Variants in PRKCZ observed in about 807,000 individuals in gnomAD.
PRKCZ encodes the protein protein kinase C zeta type.
In PRKCZ, 33 loss-of-function variants were observed where a neutral mutation model predicts 79.5. That is an observed-to-expected ratio of 0.41 (90% CI 0.31 to 0.55). The LOEUF (loss-of-function observed/expected upper bound fraction) is 0.55. PRKCZ is among the 20% of genes least tolerant of loss of function. The pLI is 0.19. For missense variants in PRKCZ, 578 were observed against 813.5 expected (o/e 0.71, Z 3.52); for synonymous variants, 342 against 320.9 (o/e 1.07, Z -0.70).
chr1:2,066,170 G>A lies in PRKCZ; in HGVS notation c.334+6579G>A, dbSNP rs77039101. On this transcript the variant is annotated intron_variant, in intron 4 of 17. Transcript: ENST00000378567. Reference sequence around the variant, plus strand: ...CTCAATGGTCAGAGGCTTTCTTGTCGTGACTTTGTTGGGCTTTGGTGTCAG... The same window carrying A: ...CTCAATGGTCAGAGGCTTTCTTGTCATGACTTTGTTGGGCTTTGGTGTCAG... Among the ~76,000 whole-genome samples, 1,657 of 152,246 alleles carry A rather than the reference G, an allele frequency of 0.011. 140 individuals are homozygous for A. The East Asian group carries it at 0.21, about 19-fold the overall frequency.
intron 4 of PRKCZ, 90 bp from the exon 5 acceptor site, chr1:2,135,172 C>G (rs1294794568): frequency 2.6e-6 from 3 of 1,161,492 alleles, no homozygotes; most frequent in African/African-American, 3.1e-5. Context: ...GCCGCCACCA[C>G]CTGGACGGGA....
chr1:2,163,860 C>T (rs548661415), intron 10 of PRKCZ, among the ~76,000 whole-genome samples: 23 of 152,048 alleles, frequency 1.5e-4, no homozygotes, highest in Admixed American at 5.9e-4. Context: ...GATTGCACCA[C>T]TGCACTCCAA....
chr1:2,168,770 A>G lies in PRKCZ; in HGVS notation c.975-748A>G, dbSNP rs1683832020. ...AGCAGCCACCAGTCGGAAGCAAATA[A>G]ACAATTCAGGTGCCAGAGGAGCCGC... On this transcript the variant is annotated intron_variant, in intron 10 of 17. Transcript: ENST00000378567. The surrounding 1 kb of genome is among the most constrained non-coding windows in gnomAD (Gnocchi z 4.7). The G allele has an allele frequency of 5.2e-6, 1 of 190,912 alleles. No individual in the cohort carries two copies. The highest frequency in any genetic ancestry group is 2.4e-5 in the African/African-American group (1 of 42,348). 11.8% of individuals were successfully genotyped at this position (190,912 alleles called of 1,614,324 possible).
At chr1:2,059,403 C>G in intron 3 of PRKCZ, 138 bp from the exon 4 acceptor site, 3 of 985,472 alleles carry the variant, frequency 3.0e-6, no homozygotes, top group Non-Finnish European at 4.6e-6. Flanking sequence ...CTCCCAGGAG[C>G]GGGCTCTCAT....
At position 2,180,369 on chromosome 1, in the gene PRKCZ, GTGGACGCACAGACGACA is replaced by G. The variant is rs1165421646; in HGVS notation, c.1576-4198_1576-4182del. Among the ~76,000 whole-genome samples, 124 of 152,164 alleles carry G rather than the reference GTGGACGCACAGACGACA, an allele frequency of 8.1e-4. No individual in the cohort carries two copies. The South Asian group carries it at 0.02, about 25-fold the overall frequency. The stretch of plus-strand genomic sequence containing the variant: ...CGGACGACGTGGACACCCAGACGAT[GTGGACGCACAGACGACA>G]TGGACGCACAGACGATGTGGATGCA... On this transcript the variant is annotated intron_variant, in intron 16 of 17. Transcript: ENST00000378567.
intron 16 of PRKCZ, among the ~76,000 whole-genome samples, chr1:2,181,416 A>G (rs887794484): frequency 2.0e-5 from 3 of 152,204 alleles, no homozygotes; most frequent in Non-Finnish European, 4.4e-5. Context: ...CACAGGGGCA[A>G]CACCTGTTAC....
intron 10 of PRKCZ, among the ~76,000 whole-genome samples, chr1:2,157,979 C>T (rs993925393): frequency 2.0e-5 from 3 of 152,352 alleles, no homozygotes; most frequent in East Asian, 1.9e-4. Context: ...CTCTGCTGCT[C>T]GGTTCTTAGC....
chr1:2,178,223 G>A lies in PRKCZ; in HGVS notation c.1575+2910G>A, dbSNP rs1685860843. On this transcript the variant is annotated intron_variant, in intron 16 of 17. Coordinates refer to ENST00000378567, the MANE Select transcript of PRKCZ (RefSeq NM_002744.6). The surrounding 1 kb of genome is among the most constrained non-coding windows in gnomAD (Gnocchi z 4.3). ...CTCCAGCCTCTCCCCACACCCTGCA[G>A]TGGCTGCTCCGCCAGGCTGTGTGGC... 6.6e-6 allele frequency among the ~76,000 whole-genome samples: 1 copy of A among 152,228 alleles called. No individual in the cohort carries two copies. The highest frequency in any genetic ancestry group is 2.1e-4 in the South Asian group (1 of 4,838).
At chr1:2,104,949 C>A (rs758103627) in intron 4 of PRKCZ, 18 of 984,454 alleles carry the variant, frequency 1.8e-5, no homozygotes, top group Non-Finnish European at 2.2e-5. Context: ...GCCTTTTATT[C>A]AGGAGGGCGC....
chr1:2,098,566 GCC>G (rs201609266), intron 4 of PRKCZ: 1 of 113,778 alleles, frequency 8.8e-6, no homozygotes. Context: ...GTGAGAGGGT[GCC>G]CTCTGCCGTC....
At chr1:2,139,390 C>A (rs960278057) in intron 5 of PRKCZ, among the ~76,000 whole-genome samples, 1 of 152,058 alleles carries the variant, frequency 6.6e-6, no homozygotes, top group Non-Finnish European at 1.5e-5. Flanking sequence ...CAGTTCAAGA[C>A]CAGCCTGGCC....
At chr1:2,159,515 G>A (rs775904181) in intron 10 of PRKCZ, among the ~76,000 whole-genome samples, 39 of 152,350 alleles carry the variant, frequency 2.6e-4, no homozygotes, top group African/African-American at 7.2e-4. Flanking sequence ...GAACCTGGCC[G>A]ATGAAACTGC....
At chr1:2,102,921 C>T (rs1667746678) in intron 4 of PRKCZ, among the ~76,000 whole-genome samples, 1 of 152,090 alleles carries the variant, frequency 6.6e-6, no homozygotes, top group Admixed American at 6.6e-5. Context: ...GCTCTGTCGC[C>T]CAGGCTGGAG....
chr1:2,083,391 A>G (rs576389350), intron 4 of PRKCZ, among the ~76,000 whole-genome samples: 33 of 152,198 alleles, frequency 2.2e-4, no homozygotes, highest in Non-Finnish European at 4.7e-4. Context: ...CGTGGGCTGT[A>G]GCTGCCAGTG....
At chr1:2,073,976 C>T (rs551726952) in intron 4 of PRKCZ, 17 of 1,395,278 alleles carry the variant, frequency 1.2e-5, no homozygotes, top group Admixed American at 6.1e-5. Flanking sequence ...CCCCCGGGGC[C>T]GGGCCAGCCG....
At chr1:2,114,253 A>G (rs1383597010) in intron 4 of PRKCZ, among the ~76,000 whole-genome samples, 1 of 150,072 alleles carries the variant, frequency 6.7e-6, no homozygotes, top group Non-Finnish European at 1.5e-5. Flanking sequence ...CGTGCTCTCC[A>G]GGGATCTGTG....
At chr1:2,088,745 G>A (rs1458016280) in intron 4 of PRKCZ, among the ~76,000 whole-genome samples, 4 of 152,298 alleles carry the variant, frequency 2.6e-5, no homozygotes, top group South Asian at 4.1e-4. Flanking sequence ...AGGCGGCGGC[G>A]TCTCTTCACT....
intron 4 of PRKCZ, among the ~76,000 whole-genome samples, chr1:2,134,276 G>C (rs994713463): frequency 1.3e-4 from 20 of 152,216 alleles, no homozygotes; most frequent in African/African-American, 4.8e-4. Flanking sequence ...CCTGATTTCA[G>C]CAGTTTCCAG....
chr1:2,175,072 G>A, intron 15 of PRKCZ, 152 bp from the exon 16 acceptor site: 1 of 744,128 alleles, frequency 1.3e-6, no homozygotes, highest in Non-Finnish European at 2.2e-6. Flanking sequence ...TACGGGGAAG[G>A]AACTTTCAAT....
Sources: gnomAD v4.1 joint callset for allele counts (sites outside exome capture counted in the v4.1 genomes callset) on GRCh38, gnomAD v4.1.1 for gene constraint, Gnocchi (gnomAD v3.1) non-coding constraint, MANE v1.5 for transcripts, NCBI Gene and HGNC (gene_info 2026-07-23, HGNC 2026-07-21) for gene names.